Variants in HPN observed in about 807,000 individuals in gnomAD.
HPN encodes hepsin.
Under a neutral mutation model 55.9 loss-of-function variants are expected in HPN, and 13 were observed. That is an observed-to-expected ratio of 0.23 (90% CI 0.15 to 0.37). HPN has a LOEUF of 0.37. Among genes scored for constraint, HPN ranks in the 10% least tolerant of loss-of-function variants. The pLI is 1.00. For missense variants in HPN, 451 were observed against 575.8 expected, an observed-to-expected ratio of 0.78 and a Z score of 2.22; for synonymous variants, 225 against 240.3, an observed-to-expected ratio of 0.94 and a Z score of 0.59.
Position 35,062,751 on chromosome 19 carries a change from C to T in HPN, c.811+1934C>T, listed in dbSNP as rs551870150. Among the ~76,000 whole-genome samples the T allele has an allele frequency of 5.9e-5, 9 of 152,190 alleles. No homozygotes were observed. The South Asian group carries it at 1.5e-3, about 25-fold the overall frequency. The stretch of plus-strand genomic sequence containing the variant: ...AAAAAATTAGCTGGCTGTGGTGGTG[C>T]GCGCCTGTGGTCCCAGCTACTTGGG... On this transcript the variant is annotated intron_variant, in intron 9 of 12. Transcript: ENST00000672452.
At chr19:35,044,873 G>T (rs1400546140) in intron 2 of HPN, among the ~76,000 whole-genome samples, 1 of 152,056 alleles carries the variant, frequency 6.6e-6, no homozygotes, top group Non-Finnish European at 1.5e-5. Context: ...TGAGCCCAGC[G>T]GTTGGATGGG....
At position 35,049,367 on chromosome 19, in the gene HPN, A is replaced by G. The variant is rs1161879010; in HGVS notation, c.94A>G (p.Ile32Val). ...TAGTLLLLTA[I>V]GAASWAIVAV... Reference sequence around the variant, plus strand: ...GGGGACCCTGCTACTTCTGACAGCCATCGGGGCGGCATCCTGGGCCATTGG... The same window carrying G: ...GGGGACCCTGCTACTTCTGACAGCCGTCGGGGCGGCATCCTGGGCCATTGG... Residue 32 changes from isoleucine (I) to valine (V), a missense_variant, in exon 3 of 13, where the codon ATC becomes GTC. Coordinates refer to ENST00000672452, the MANE Select transcript of HPN (RefSeq NM_001384133.1). The G allele has an allele frequency of 3.7e-6, 6 of 1,603,902 alleles. No individual in the cohort carries two copies. The African/African-American group carries it at 8.0e-5, about 21-fold the overall frequency.
chr19:35,065,792 C>T, intron 11 of HPN, 76 bp from the exon 12 acceptor site: 1 of 1,561,414 alleles, frequency 6.4e-7, no homozygotes, highest in Non-Finnish European at 8.7e-7. Flanking sequence ...TCTGGGGCCA[C>T]AGCCCATGTC....
chr19:35,044,543 C>T lies in HPN; in HGVS notation c.16+2021C>T, dbSNP rs531772827. 4.6e-5 allele frequency among the ~76,000 whole-genome samples: 7 copies of T among 152,246 alleles called. No homozygotes were observed. In the South Asian group the frequency reaches 1.0e-3, roughly 23 times the overall value. On this transcript the variant is annotated intron_variant, in intron 2 of 12. Coordinates refer to ENST00000672452, the MANE Select transcript of HPN (RefSeq NM_001384133.1). Reference sequence around the variant, plus strand: ...AGTACCAGGTCTCTCCACAAGGTGGCGCCAGTGGTTAGTCCCTGCTTCTCT... The same window carrying T: ...AGTACCAGGTCTCTCCACAAGGTGGTGCCAGTGGTTAGTCCCTGCTTCTCT...
chr19:35,044,013 C>G (rs968740427), intron 2 of HPN, among the ~76,000 whole-genome samples: 1 of 152,206 alleles, frequency 6.6e-6, no homozygotes. Flanking sequence ...TGAAGGGTTC[C>G]GATTCTGCAC....
intron 9 of HPN, among the ~76,000 whole-genome samples, chr19:35,064,326 CTCTCTCTCTCTCTTTCT>C (rs1178128711): frequency 6.6e-6 from 1 of 151,934 alleles, no homozygotes; most frequent in African/African-American, 2.4e-5. Context: ...GTGTCTCTCT[CTCTCTCTCTCTCTTTCT>C]TCTCTCTCTC....
intron 10 of HPN, 68 bp from the exon 11 acceptor site, chr19:35,065,471 G>A: frequency 6.3e-7 from 1 of 1,584,372 alleles, no homozygotes; most frequent in African/African-American, 1.3e-5. Context: ...GGAATGGGGT[G>A]GGCACCAGGA....
intron 2 of HPN, among the ~76,000 whole-genome samples, chr19:35,048,130 A>AG (rs1286608099): frequency 6.6e-6 from 1 of 152,178 alleles, no homozygotes; most frequent in Non-Finnish European, 1.5e-5. Flanking sequence ...AGGCTCAGAG[A>AG]GGGGAGGGGA....
rs577568256 is a variant in HPN, at chr19:35,065,773, C to A, written c.1050+92C>A. 6 of 1,596,366 alleles carry A rather than the reference C, an allele frequency of 3.8e-6. 1 individual carries two copies. The African/African-American group carries it at 6.7e-5, about 18-fold the overall frequency. On this transcript the variant is annotated intron_variant, in intron 11 of 12. Coordinates refer to ENST00000672452, the MANE Select transcript of HPN (RefSeq NM_001384133.1). ...GGTGGTCAGGCTCCCCATCTAAAAG[C>A]CTGAGGGCTCTGGGGCCACAGCCCA... is the stretch of plus-strand genomic sequence containing the variant.
chr19:35,064,153 C>T (rs1366305747), intron 9 of HPN, among the ~76,000 whole-genome samples: 1 of 5,672 alleles, frequency 1.8e-4, no homozygotes, highest in Non-Finnish European at 2.8e-3. Flanking sequence ...ATGTCATCAG[C>T]AGGCAGCAGG....
rs962607586 is a variant in HPN, at chr19:35,066,454, G to A, written c.*167G>A. 4 of 847,860 alleles carry A rather than the reference G, an allele frequency of 4.7e-6. No individual in the cohort carries two copies. The highest frequency in any genetic ancestry group is 3.6e-4 in the Middle Eastern group (1 of 2,800). 52.5% of individuals were successfully genotyped at this position (847,860 alleles called of 1,614,324 possible). A position where few individuals can be genotyped will look rare whatever the true frequency, so the allele number is the denominator to read the frequency against. ...CACAGTGGCGGGCCCACTCAGCCCC[G>A]AGACCACCCAACCTCACCCTCCTGA... On this transcript the variant is annotated 3_prime_UTR_variant, in exon 13 of 13. Coordinates refer to ENST00000672452, the MANE Select transcript of HPN (RefSeq NM_001384133.1).
chr19:35,040,959 G>A (rs943597385), upstream of HPN, among the ~76,000 whole-genome samples: 1 of 152,210 alleles, frequency 6.6e-6, no homozygotes, highest in Admixed American at 6.5e-5. Flanking sequence ...TGTGTCCGGC[G>A]TGTGGTTGAG....
chr19:35,063,099 G>C (rs2064555311), intron 9 of HPN, among the ~76,000 whole-genome samples: 1 of 152,146 alleles, frequency 6.6e-6, no homozygotes, highest in South Asian at 2.1e-4. Context: ...CCTGTGTATG[G>C]ACTCACTTAG....
intron 2 of HPN, among the ~76,000 whole-genome samples, chr19:35,048,026 G>GAGA: frequency 1.8e-5 from 1 of 55,568 alleles, no homozygotes; most frequent in East Asian, 6.2e-4. Flanking sequence ...GAGAGAGAGA[G>GAGA]AAAAAGAAAG....
chr19:35,060,842 G>A (rs371446371), intron 9 of HPN, 25 bp downstream of exon 9: 2 of 1,534,580 alleles, frequency 1.3e-6, no homozygotes, highest in African/African-American at 2.8e-5. Flanking sequence ...TGAGCCATGG[G>A]GCTTGAGGAC....
At chr19:35,042,322 G>A (rs1304045885) in intron 1 of HPN, 131 bp from the exon 2 acceptor site, 46 of 1,406,220 alleles carry the variant, frequency 3.3e-5, no homozygotes, top group Non-Finnish European at 4.0e-5. Context: ...ATCTGCGTCC[G>A]TGATCACGGC....
chr19:35,048,711 T>C (rs1012902539), intron 2 of HPN, among the ~76,000 whole-genome samples: 2 of 152,078 alleles, frequency 1.3e-5, no homozygotes, highest in African/African-American at 2.4e-5. Flanking sequence ...CTGGGCAACA[T>C]AGCAAGACCA....
rs1176275059 is a variant in HPN, at chr19:35,066,299, T to C, written c.*12T>C. 6.2e-7 allele frequency: 1 copy of C among 1,608,662 alleles called. No homozygotes were observed. The highest frequency in any genetic ancestry group is 8.5e-7 in the Non-Finnish European group (1 of 1,177,898). ...TGACCCAGCTCTGACCGGTGGCTTC[T>C]CGCTGCGCAGCCTCCAGGGCCCGAG... On this transcript the variant is annotated 3_prime_UTR_variant, in exon 13 of 13. Coordinates refer to ENST00000672452, the MANE Select transcript of HPN (RefSeq NM_001384133.1).
At chr19:35,053,434 A>G (rs1373295745) in intron 4 of HPN, among the ~76,000 whole-genome samples, 4 of 152,008 alleles carry the variant, frequency 2.6e-5, no homozygotes, top group African/African-American at 7.2e-5. Flanking sequence ...TCCCTGCCCC[A>G]ACCCCAGAGC....
Sources: allele counts gnomAD v4.1 joint callset (sites outside exome capture counted in the v4.1 genomes callset), GRCh38; gene constraint gnomAD v4.1.1; transcripts MANE v1.5; gene names NCBI Gene and HGNC (gene_info 2026-07-23, HGNC 2026-07-21).